The following GMDS variants were observed in gnomAD, a reference collection of about 807,000 sequenced individuals.
The protein encoded by GMDS is GDP-mannose 4,6 dehydratase.
Under a neutral mutation model 49.9 loss-of-function variants are expected in GMDS, and 20 were observed. That is an observed-to-expected ratio of 0.40 (90% CI 0.28 to 0.58). The LOEUF (loss-of-function observed/expected upper bound fraction) is 0.58, where lower values mean the gene tolerates loss of function less well. GMDS is among the 20% of genes least tolerant of loss of function. The pLI, the probability that GMDS is intolerant of heterozygous loss-of-function variation, is 0.42. For missense variants in GMDS, 362 were observed against 481.4 expected, an observed-to-expected ratio of 0.75 and a Z score of 2.32; for synonymous variants, 177 against 178.6, an observed-to-expected ratio of 0.99 and a Z score of 0.07.
intron 4 of GMDS, among the ~76,000 whole-genome samples, chr6:1,985,818 G>C (rs919919319): frequency 1.3e-5 from 2 of 151,764 alleles, no homozygotes; most frequent in East Asian, 3.9e-4. Flanking sequence ...GGAAGAGGCG[G>C]GCTACTAAAA....
chr6:2,059,480 G>T (rs9501795), intron 4 of GMDS, among the ~76,000 whole-genome samples: 3 of 150,116 alleles, frequency 2.0e-5, no homozygotes, highest in Admixed American at 2.0e-4. Flanking sequence ...AGGCCGAGGC[G>T]GGTGGATCAC....
At chr6:2,042,407 A>T (rs1459015099) in intron 4 of GMDS, among the ~76,000 whole-genome samples, 2 of 151,326 alleles carry the variant, frequency 1.3e-5, no homozygotes, top group Non-Finnish European at 1.5e-5. Context: ...CTTCCTCCCA[A>T]CCCCACCTGC....
At chr6:1,951,608 G>T (rs1233677672) in intron 6 of GMDS, among the ~76,000 whole-genome samples, 1 of 152,046 alleles carries the variant, frequency 6.6e-6, no homozygotes, top group Non-Finnish European at 1.5e-5. Flanking sequence ...TATTGCTCAG[G>T]CTGGTCTACA....
chr6:2,082,413 A>T (rs953562116), intron 4 of GMDS, among the ~76,000 whole-genome samples: 1 of 152,238 alleles, frequency 6.6e-6, no homozygotes, highest in African/African-American at 2.4e-5. Flanking sequence ...CCAGCGGCCC[A>T]GGGCCCCACA....
intron 9 of GMDS, among the ~76,000 whole-genome samples, chr6:1,656,964 G>A (rs183986648): frequency 6.6e-6 from 1 of 152,258 alleles, no homozygotes; most frequent in Admixed American, 6.5e-5. Context: ...CTGGCGCCAA[G>A]AGCACCATGC....
chr6:2,043,761 TAGAC>T (rs1281353050), intron 4 of GMDS, among the ~76,000 whole-genome samples: 1 of 151,868 alleles, frequency 6.6e-6, no homozygotes, highest in Non-Finnish European at 1.5e-5. Flanking sequence ...ATCAACAGAG[TAGAC>T]AGACAAACTT....
At chr6:1,680,120 G>A (rs544664841) in intron 9 of GMDS, among the ~76,000 whole-genome samples, 36 of 152,320 alleles carry the variant, frequency 2.4e-4, no homozygotes, top group Non-Finnish European at 4.6e-4. Context: ...CGCGCACTTT[G>A]TAGATGATAT....
At chr6:1,943,645 C>A (rs1414583938) in intron 6 of GMDS, among the ~76,000 whole-genome samples, 1 of 152,206 alleles carries the variant, frequency 6.6e-6, no homozygotes, top group Non-Finnish European at 1.5e-5. Flanking sequence ...AATGCTTCCA[C>A]TGATACATTT....
intron 9 of GMDS, among the ~76,000 whole-genome samples, chr6:1,651,424 T>A (rs1250945033): frequency 6.6e-6 from 1 of 152,224 alleles, no homozygotes. Flanking sequence ...GGGAGGTAGA[T>A]GTTCTCCTGG....
chr6:1,897,558 C>A (rs890932625), intron 7 of GMDS, among the ~76,000 whole-genome samples: 3 of 151,978 alleles, frequency 2.0e-5, no homozygotes, highest in Non-Finnish European at 1.5e-5. Flanking sequence ...GTATATCTTG[C>A]CAATATTTAA....
At chr6:1,817,457 C>A (rs915015715) in intron 7 of GMDS, among the ~76,000 whole-genome samples, 8 of 152,100 alleles carry the variant, frequency 5.3e-5, no homozygotes, top group Admixed American at 6.5e-5. Context: ...GGAAAGAAAT[C>A]TTTTCTTTTT....
At chr6:1,951,069 A>T (rs1313365578) in intron 6 of GMDS, among the ~76,000 whole-genome samples, 1 of 152,092 alleles carries the variant, frequency 6.6e-6, no homozygotes, top group African/African-American at 2.4e-5. Flanking sequence ...CTCTCTCCCC[A>T]TTCCCCACCC....
chr6:1,860,472 G>T (rs1467406775), intron 7 of GMDS, among the ~76,000 whole-genome samples: 1 of 152,156 alleles, frequency 6.6e-6, no homozygotes, highest in Non-Finnish European at 1.5e-5. Context: ...GGAGAGAGAG[G>T]AGGAAGCCGA....
intron 8 of GMDS, among the ~76,000 whole-genome samples, chr6:1,739,344 G>T (rs1767166410): frequency 6.6e-6 from 1 of 152,218 alleles, no homozygotes. Flanking sequence ...ACACAGTAGG[G>T]GTGCGGCTCC....
In GMDS at chr6:1,624,821, T is replaced by C. The variant is rs555529156; in HGVS notation, c.988-281A>G. ...TCTCCCCAAGGCGTCCCTTGGGCTC[T>C]TAATGCTTTTTTTTTTTTTTTTTTT... On this transcript the variant is annotated intron_variant, in intron 9 of 10. Coordinates refer to ENST00000380815, the MANE Select transcript of GMDS (RefSeq NM_001500.4). The C allele has an allele frequency of 3.4e-5, 8 of 232,280 alleles. No individual in the cohort carries two copies. The East Asian group carries it at 7.2e-4, about 21-fold the overall frequency. 14.4% of individuals were successfully genotyped at this position (232,280 alleles called of 1,614,324 possible).
chr6:2,046,454 T>C (rs1040247951), intron 4 of GMDS, among the ~76,000 whole-genome samples: 3 of 152,100 alleles, frequency 2.0e-5, no homozygotes, highest in Non-Finnish European at 4.4e-5. Context: ...TTCTATGATG[T>C]TTCCTTTTGT....
At chr6:1,959,677 C>A in intron 6 of GMDS, 190 bp downstream of exon 6, 1 of 390,208 alleles carries the variant, frequency 2.6e-6, no homozygotes, top group East Asian at 3.8e-5. Flanking sequence ...TAAAATCCCA[C>A]AAACTCAAAA....
At chr6:1,972,062 C>T (rs908839575) in intron 4 of GMDS, among the ~76,000 whole-genome samples, 1 of 152,032 alleles carries the variant, frequency 6.6e-6, no homozygotes, top group Non-Finnish European at 1.5e-5. Flanking sequence ...AGTTCTGCAC[C>T]CCGCACCCTG....
chr6:2,078,885 T>C lies in GMDS; in HGVS notation c.345+36886A>G, dbSNP rs180874187. On this transcript the variant is annotated intron_variant, in intron 4 of 10. Coordinates refer to ENST00000380815, the MANE Select transcript of GMDS (RefSeq NM_001500.4). The stretch of plus-strand genomic sequence containing the variant: ...GTTGGAGTTCCCCACTATTATTGTA[T>C]TGTAGTCTCTCTCCTTAAATCTAGT... Among the ~76,000 whole-genome samples the C allele has an allele frequency of 9.2e-5, 14 of 152,134 alleles. No individual in the cohort carries two copies. In the East Asian group the frequency reaches 2.5e-3, roughly 27 times the overall value.
Sources: allele counts gnomAD v4.1 joint callset (sites outside exome capture counted in the v4.1 genomes callset), GRCh38; gene constraint gnomAD v4.1.1; transcripts MANE v1.5; gene names NCBI Gene and HGNC (gene_info 2026-07-23, HGNC 2026-07-21).